The following U2SURP variants were observed in gnomAD, a reference collection of about 807,000 sequenced individuals.
U2SURP encodes U2 snRNP-associated SURP motif-containing protein.
U2SURP carries 9 observed loss-of-function variants against 144.9 expected under a neutral mutation model. That is an observed-to-expected ratio of 0.06 (90% CI 0.04 to 0.11). U2SURP has a LOEUF of 0.11. Ranked by LOEUF, U2SURP falls within the 10% of genes least tolerant of loss-of-function variation. The pLI is 1.00. For missense variants in U2SURP, 724 were observed against 1,226.7 expected, an observed-to-expected ratio of 0.59 and a Z score of 6.12; for synonymous variants, 408 against 396.8, an observed-to-expected ratio of 1.03 and a Z score of -0.33.
intron 1 of U2SURP, among the ~76,000 whole-genome samples, chr3:143,007,875 T>C (rs149852102): frequency 6.6e-6 from 1 of 152,374 alleles, no homozygotes; most frequent in East Asian, 1.9e-4. Context: ...AGTAGTGCTA[T>C]ATTTACTGTT....
chr3:143,009,609 A>G (rs924030078), intron 1 of U2SURP, among the ~76,000 whole-genome samples: 1 of 152,038 alleles, frequency 6.6e-6, no homozygotes, highest in Non-Finnish European at 1.5e-5. Context: ...AGAAAAAAAA[A>G]AAATGAAAGA....
chr3:143,039,852 C>G (rs950207635), intron 23 of U2SURP, among the ~76,000 whole-genome samples: 1 of 151,744 alleles, frequency 6.6e-6, no homozygotes, highest in Non-Finnish European at 1.5e-5. Context: ...GAAAACTTGT[C>G]TACAATGATG....
At position 143,016,432 on chromosome 3, in the gene U2SURP, C is replaced by T. The variant is rs564832728; in HGVS notation, c.436+61C>T. ...ACTGTATTACAGTTTTTGAGCGAGC[C>T]CCATCTTGGTTGAATGACTGCAGGT... On this transcript the variant is annotated intron_variant, in intron 5 of 27. Transcript: ENST00000473835. The T allele has an allele frequency of 8.3e-6, 12 of 1,452,208 alleles. No homozygotes were observed. The African/African-American group carries it at 1.6e-4, about 19-fold the overall frequency. 90.0% of individuals were successfully genotyped at this position (1,452,208 alleles called of 1,614,324 possible). A position where few individuals can be genotyped will look rare whatever the true frequency, so the allele number is the denominator to read the frequency against.
In U2SURP at chr3:143,019,227, T is replaced by C. The variant is rs189582382; in HGVS notation, c.571-742T>C. 1.2e-3 allele frequency among the ~76,000 whole-genome samples: 176 copies of C among 152,328 alleles called. 1 individual carries two copies. The highest frequency in any genetic ancestry group is 6.8e-3 in the South Asian group (33 of 4,830). On this transcript the variant is annotated intron_variant, in intron 6 of 27. Coordinates refer to ENST00000473835, the MANE Select transcript of U2SURP (RefSeq NM_001080415.2). ...TGATTTGGAAATGTTTTCTGTTCTC[T>C]GGGTTGTCTTTGCATTTTCTTGATG...
rs150936290 is a variant in U2SURP, at chr3:143,002,954, T to C, written c.45+1281T>C. ...CTCTTTGGGGGCGAGCTCTACCAAC[T>C]CTTCTCAACAGACTCCTGACAAGAA... On this transcript the variant is annotated intron_variant, in intron 1 of 27. Transcript: ENST00000473835. Among the ~76,000 whole-genome samples the C allele has an allele frequency of 1.3e-3, 201 of 152,264 alleles. 3 individuals are homozygous for C. The highest frequency in any genetic ancestry group is 6.5e-4 in the Non-Finnish European group (44 of 68,020).
chr3:143,026,143 T>C (rs1272914616), intron 13 of U2SURP: 1 of 152,038 alleles, frequency 6.6e-6, no homozygotes, highest in Non-Finnish European at 1.5e-5. Flanking sequence ...ATAACCTGAG[T>C]CATTTTTGCC....
rs191925403 is a variant in U2SURP, at chr3:143,019,609, A to T, written c.571-360A>T. On this transcript the variant is annotated intron_variant, in intron 6 of 27. Transcript: ENST00000473835. Reference sequence around the variant, plus strand: ...CAAAAGTAGATTAAGAAGCAGTTTTAAAAGAGGATTCCAAAGATGTTACTT... The same window carrying T: ...CAAAAGTAGATTAAGAAGCAGTTTTTAAAGAGGATTCCAAAGATGTTACTT... Among the ~76,000 whole-genome samples the T allele has an allele frequency of 2.0e-5, 3 of 152,368 alleles. No individual in the cohort carries two copies. The East Asian group carries it at 5.8e-4, about 29-fold the overall frequency.
chr3:143,050,294 A>T (rs1934787266), intron 24 of U2SURP, among the ~76,000 whole-genome samples: 1 of 152,148 alleles, frequency 6.6e-6, no homozygotes, highest in Non-Finnish European at 1.5e-5. Context: ...GCTGGTCTTG[A>T]ACTCCTGACC....
At chr3:143,029,429 CATT>C (rs999274252) in intron 16 of U2SURP, among the ~76,000 whole-genome samples, 5 of 152,114 alleles carry the variant, frequency 3.3e-5, no homozygotes, top group African/African-American at 1.2e-4. Context: ...CAAACTTTTT[CATT>C]ATTATTGTAT....
At chr3:143,018,708 C>T (rs147028212) in intron 6 of U2SURP, among the ~76,000 whole-genome samples, 2 of 152,196 alleles carry the variant, frequency 1.3e-5, no homozygotes, top group African/African-American at 4.8e-5. Flanking sequence ...TTTCTCACGT[C>T]GTACACTAAC....
At position 143,014,336 on chromosome 3, in the gene U2SURP, C is replaced by G. The variant is rs1265018124; in HGVS notation, c.248C>G (p.Ala83Gly). 6.2e-7 allele frequency: 1 copy of G among 1,605,486 alleles called. No homozygotes were observed. Among genetic ancestry groups the G allele is most frequent in the East Asian group, 2.2e-5 (1 of 44,560 alleles). The change falls in exon 4 of 28, where the codon GCA becomes GGA. Residue 83 changes from alanine to glycine, a missense_variant. By Grantham distance (60) the Ala-to-Gly change is moderately conservative (BLOSUM62 0). Transcript: ENST00000473835. ...SRPLLENKLK[A>G]FSIGKMSTAK... ...CCTCTTCTGGAAAACAAACTTAAAG[C>G]ATTCAGTATTGGAAAAATGAGTACA...
At chr3:143,055,205 CATT>C in intron 27 of U2SURP, 86 bp downstream of exon 27, 1 of 1,091,624 alleles carries the variant, frequency 9.2e-7, no homozygotes, top group Non-Finnish European at 1.3e-6. Flanking sequence ...GGTTGGCATA[CATT>C]TTTTTTTTTT....
At chr3:143,043,376 C>G (rs923675842) in intron 24 of U2SURP, 100 bp downstream of exon 24, 35 of 1,251,746 alleles carry the variant, frequency 2.8e-5, no homozygotes, top group Admixed American at 5.4e-5. Flanking sequence ...ACATACTGTT[C>G]CTTCTCTCTG....
chr3:143,022,772 A>T, intron 11 of U2SURP, 81 bp from the exon 12 acceptor site: 3 of 1,462,136 alleles, frequency 2.1e-6, no homozygotes, highest in Non-Finnish European at 2.7e-6. Flanking sequence ...GTTAAAATGA[A>T]AATTATTTCA....
chr3:143,040,362 A>T (rs1173708856), intron 23 of U2SURP, among the ~76,000 whole-genome samples: 1 of 151,920 alleles, frequency 6.6e-6, no homozygotes, highest in Non-Finnish European at 1.5e-5. Flanking sequence ...CAGGTAAATC[A>T]TGATAATGTA....
At position 143,037,476 on chromosome 3, in the gene U2SURP, T is replaced by C. The variant is rs1933876217; in HGVS notation, c.2221+141T>C. ...TATTAACTTTTCTATTTCTGATTTT[T>C]TTCAAAATTCATATACCCAGTAATA... On this transcript the variant is annotated intron_variant, in intron 21 of 27. Coordinates refer to ENST00000473835, the MANE Select transcript of U2SURP (RefSeq NM_001080415.2). 3 of 849,378 alleles carry C rather than the reference T, an allele frequency of 3.5e-6. No individual in the cohort carries two copies. In the South Asian group the frequency reaches 6.0e-5, roughly 17 times the overall value. 52.6% of individuals were successfully genotyped at this position (849,378 alleles called of 1,614,324 possible).
At chr3:143,022,804 T>C (rs779133621) in intron 11 of U2SURP, 49 bp from the exon 12 acceptor site, 5 of 1,478,850 alleles carry the variant, frequency 3.4e-6, no homozygotes, top group Non-Finnish European at 4.5e-6. Flanking sequence ...AAATTTTGTT[T>C]GGAAACTTTT....
intron 6 of U2SURP, among the ~76,000 whole-genome samples, chr3:143,018,420 C>G (rs1287704921): frequency 2.0e-5 from 3 of 152,010 alleles, no homozygotes; most frequent in Non-Finnish European, 4.4e-5. Context: ...TATGGACATA[C>G]CATATATTGT....
intron 24 of U2SURP, among the ~76,000 whole-genome samples, chr3:143,047,771 C>T (rs1294996612): frequency 1.3e-5 from 1 of 78,044 alleles, no homozygotes; most frequent in African/African-American, 4.9e-5. Context: ...CCACCTCCCT[C>T]CTGAACGGGG....
Sources: allele counts gnomAD v4.1 joint callset (sites outside exome capture counted in the v4.1 genomes callset), GRCh38; gene constraint gnomAD v4.1.1; transcripts MANE v1.5; gene names NCBI Gene and HGNC (gene_info 2026-07-23, HGNC 2026-07-21).